The following SLCO1B3 variants were observed in gnomAD, a reference collection of about 807,000 sequenced individuals.
The protein encoded by SLCO1B3 is solute carrier organic anion transporter family member 1B3.
Under a neutral mutation model 71.8 loss-of-function variants are expected in SLCO1B3, and 72 were observed. That is an observed-to-expected ratio of 1.00 (90% CI 0.83 to 1.22). The LOEUF (loss-of-function observed/expected upper bound fraction) is 1.22, where lower values mean the gene tolerates loss of function less well. Ranked by LOEUF, SLCO1B3 falls within the 50% of genes most tolerant of loss-of-function variation. SLCO1B3 has a pLI of 0.00. For synonymous variants in SLCO1B3, 298 were observed against 278.4 expected (o/e 1.07, Z -0.70); for missense variants, 911 against 819.7 (o/e 1.11, Z -1.36).
At chr12:20,882,458 C>T (rs1334025487) in intron 12 of SLCO1B3, among the ~76,000 whole-genome samples, 1 of 152,104 alleles carries the variant, frequency 6.6e-6, no homozygotes, top group Admixed American at 6.5e-5. Flanking sequence ...GGCTGGAGTG[C>T]AATGGCATGG....
chr12:20,838,675 C>T (rs148601500), intron 3 of SLCO1B3, among the ~76,000 whole-genome samples: 1 of 152,024 alleles, frequency 6.6e-6, no homozygotes, highest in East Asian at 1.9e-4. Context: ...AATTGTAACA[C>T]AATAAGTATT....
At chr12:20,820,628 A>T (rs1481623951) in intron 3 of SLCO1B3, among the ~76,000 whole-genome samples, 1 of 152,164 alleles carries the variant, frequency 6.6e-6, no homozygotes, top group Non-Finnish European at 1.5e-5. Context: ...GAGGTTAATT[A>T]AGTCCTGTTA....
chr12:20,851,843 G>T (rs1301869734), intron 3 of SLCO1B3, among the ~76,000 whole-genome samples: 1 of 152,158 alleles, frequency 6.6e-6, no homozygotes, highest in Non-Finnish European at 1.5e-5. Context: ...TATGGTGTAA[G>T]ACAATGGGTC....
chr12:20,848,051 T>A (rs555846693), intron 3 of SLCO1B3, among the ~76,000 whole-genome samples: 1 of 152,246 alleles, frequency 6.6e-6, no homozygotes, highest in South Asian at 2.1e-4. Flanking sequence ...GATTAATAAC[T>A]AATTTCTTGT....
intron 3 of SLCO1B3, among the ~76,000 whole-genome samples, chr12:20,830,940 A>G (rs997055952): frequency 6.6e-6 from 1 of 152,214 alleles, no homozygotes; most frequent in Non-Finnish European, 1.5e-5. Context: ...TCATGTGCAT[A>G]GCAAAGTGAC....
intron 3 of SLCO1B3, among the ~76,000 whole-genome samples, chr12:20,826,725 A>G (rs916989541): frequency 6.6e-6 from 1 of 151,812 alleles, no homozygotes; most frequent in Admixed American, 6.6e-5. Flanking sequence ...ATATAAAATT[A>G]TTTTCCCTTC....
At chr12:20,913,036 A>T (rs111688511) in intron 15 of SLCO1B3, among the ~76,000 whole-genome samples, 10 of 152,086 alleles carry the variant, frequency 6.6e-5, no homozygotes, top group Admixed American at 5.9e-4. Flanking sequence ...TGAATATTCT[A>T]TATGAGCTTG....
chr12:20,884,865 C>T (rs1865762617), intron 13 of SLCO1B3, among the ~76,000 whole-genome samples: 1 of 151,844 alleles, frequency 6.6e-6, no homozygotes, highest in African/African-American at 2.4e-5. Context: ...TAAATTTTCA[C>T]CCTGCCTGCA....
intron 12 of SLCO1B3, 82 bp from the exon 13 acceptor site, chr12:20,883,335 CT>C: frequency 1.3e-6 from 1 of 748,004 alleles, no homozygotes; most frequent in Non-Finnish European, 2.0e-6. Flanking sequence ...TAGTTTGAGA[CT>C]TCTTTAAATA....
At chr12:20,821,425 A>G (rs1473575534) in intron 3 of SLCO1B3, among the ~76,000 whole-genome samples, 4 of 152,126 alleles carry the variant, frequency 2.6e-5, no homozygotes, top group South Asian at 2.1e-4. Flanking sequence ...AATACAGGCT[A>G]AGGGAGAAGA....
chr12:20,891,345 G>C (rs938924246), intron 13 of SLCO1B3, among the ~76,000 whole-genome samples: 4 of 151,742 alleles, frequency 2.6e-5, no homozygotes, highest in Admixed American at 1.3e-4. Context: ...CTGATAATAA[G>C]ACCCTAATTT....
At chr12:20,889,109 TG>T (rs1865851142) in intron 13 of SLCO1B3, among the ~76,000 whole-genome samples, 1 of 128,496 alleles carries the variant, frequency 7.8e-6, no homozygotes, top group African/African-American at 2.7e-5. Context: ...TTTTTTTTTT[TG>T]AGGATATTTG....
At chr12:20,832,935 A>C (rs997731649) in intron 3 of SLCO1B3, among the ~76,000 whole-genome samples, 1 of 119,328 alleles carries the variant, frequency 8.4e-6, no homozygotes, top group Non-Finnish European at 2.0e-5. Context: ...TTAATGGCAT[A>C]AAACAAACAA....
intron 2 of SLCO1B3, among the ~76,000 whole-genome samples, chr12:20,814,648 T>C (rs1368348647): frequency 3.3e-5 from 5 of 152,154 alleles, no homozygotes; most frequent in Admixed American, 6.5e-5. Context: ...CCCAGCACTT[T>C]GGGAGGCCGA....
chr12:20,835,920 C>T (rs912602653), intron 3 of SLCO1B3, among the ~76,000 whole-genome samples: 3 of 152,134 alleles, frequency 2.0e-5, no homozygotes, highest in African/African-American at 7.2e-5. Context: ...TAGGAAGAAA[C>T]ACTGAAGACT....
chr12:20,836,533 A>T (rs950170013), intron 3 of SLCO1B3, among the ~76,000 whole-genome samples: 38 of 152,270 alleles, frequency 2.5e-4, no homozygotes, highest in African/African-American at 8.4e-4. Context: ...AGTATTCCTG[A>T]TGCTTTTATC....
At chr12:20,904,593 G>T (rs2120405396) in intron 15 of SLCO1B3, among the ~76,000 whole-genome samples, 1 of 152,014 alleles carries the variant, frequency 6.6e-6, no homozygotes, top group Non-Finnish European at 1.5e-5. Context: ...CCATTCTGGA[G>T]TCTGGAGGAC....
chr12:20,820,216 A>G (rs1466681834), intron 3 of SLCO1B3, among the ~76,000 whole-genome samples: 61 of 152,036 alleles, frequency 4.0e-4, no homozygotes, highest in African/African-American at 1.4e-3. Context: ...AGAGTTACCT[A>G]AAGCTCGGCG....
At position 20,816,075 on chromosome 12, in the gene SLCO1B3, T is replaced by G. The variant is rs1158576330; in HGVS notation, c.84+253T>G. Among the ~76,000 whole-genome samples, 3 of 152,234 alleles carry G rather than the reference T, an allele frequency of 2.0e-5. No homozygotes were observed. The East Asian group carries it at 5.8e-4, about 29-fold the overall frequency. ...TTTTTAACTTTTTAATTTTTAATTT[T>G]TGTGGGTATGTAGTAGGTATGTATG... is the stretch of plus-strand genomic sequence containing the variant. On this transcript the variant is annotated intron_variant, in intron 3 of 15. Transcript: ENST00000381545.
Sources: allele counts gnomAD v4.1 joint callset (sites outside exome capture counted in the v4.1 genomes callset), GRCh38; gene constraint gnomAD v4.1.1; transcripts MANE v1.5; gene names NCBI Gene and HGNC (gene_info 2026-07-23, HGNC 2026-07-21).